HERC4: variants seen among roughly 807,000 people sequenced by gnomAD.
HERC4 encodes HECT and RLD domain containing E3 ubiquitin protein ligase 4.
In HERC4, 28 loss-of-function variants were observed where a neutral mutation model predicts 124.3. That is an observed-to-expected ratio of 0.23 (90% CI 0.17 to 0.31). HERC4 has a LOEUF of 0.31. Ranked by LOEUF, HERC4 falls within the 10% of genes least tolerant of loss-of-function variation. The pLI, the probability that HERC4 is intolerant of heterozygous loss-of-function variation, is 1.00. For synonymous variants in HERC4, 407 were observed against 421.5 expected (o/e 0.97, Z 0.42); for missense variants, 713 against 1,229.3 (o/e 0.58, Z 6.28).
At chr10:68,020,686 G>A (rs1051756351) in intron 8 of HERC4, among the ~76,000 whole-genome samples, 1 of 150,800 alleles carries the variant, frequency 6.6e-6, no homozygotes, top group South Asian at 2.1e-4. Context: ...GGAGAATGGC[G>A]TGAACCCGGG....
intron 5 of HERC4, among the ~76,000 whole-genome samples, chr10:68,034,573 C>T (rs2039361720): frequency 6.6e-6 from 1 of 152,140 alleles, no homozygotes; most frequent in Non-Finnish European, 1.5e-5. Flanking sequence ...CTGCTGATCA[C>T]ATTCAAAATT....
intron 19 of HERC4, among the ~76,000 whole-genome samples, chr10:67,944,055 C>G (rs1164839022): frequency 6.6e-6 from 1 of 152,252 alleles, no homozygotes; most frequent in Admixed American, 6.5e-5. Flanking sequence ...ACAAGCTTCG[C>G]TGGCTTCACC....
intron 3 of HERC4, among the ~76,000 whole-genome samples, chr10:68,065,221 T>C (rs1369688660): frequency 2.0e-5 from 3 of 152,324 alleles, no homozygotes; most frequent in East Asian, 1.9e-4. Flanking sequence ...GATGGCATTA[T>C]AGTTTTTACT....
intron 9 of HERC4, among the ~76,000 whole-genome samples, chr10:68,009,652 C>A (rs768928910): frequency 6.6e-6 from 1 of 152,044 alleles, no homozygotes; most frequent in Non-Finnish European, 1.5e-5. Context: ...TAAAATAAGA[C>A]AGCAACAAAG....
intron 5 of HERC4, among the ~76,000 whole-genome samples, chr10:68,035,844 C>T (rs1181101688): frequency 6.6e-6 from 1 of 152,178 alleles, no homozygotes; most frequent in Non-Finnish European, 1.5e-5. Context: ...CCTGATCTCC[C>T]AGATTAGGTC....
chr10:68,046,197 T>C (rs564284369), intron 3 of HERC4, among the ~76,000 whole-genome samples: 1 of 151,642 alleles, frequency 6.6e-6, no homozygotes, highest in East Asian at 1.9e-4. Context: ...CCCATAAATC[T>C]TAATTATGAA....
At chr10:67,999,168 C>T (rs577809293) in intron 9 of HERC4, among the ~76,000 whole-genome samples, 6 of 152,244 alleles carry the variant, frequency 3.9e-5, no homozygotes, top group Admixed American at 1.3e-4. Flanking sequence ...CTCAAGATTT[C>T]GTTTTTGTCT....
At chr10:67,991,117 C>T in intron 12 of HERC4, 23 bp downstream of exon 12, 2 of 1,482,784 alleles carry the variant, frequency 1.3e-6, no homozygotes, top group Non-Finnish European at 1.8e-6. Context: ...AAAATTTCAG[C>T]ATATTAAAGA....
intron 15 of HERC4, among the ~76,000 whole-genome samples, chr10:67,969,812 A>G (rs915674542): frequency 6.6e-6 from 1 of 152,136 alleles, no homozygotes; most frequent in African/African-American, 2.4e-5. Flanking sequence ...GAGGGGAGGG[A>G]ACTCTGACAA....
chr10:68,062,215 T>C (rs900858912), intron 3 of HERC4, among the ~76,000 whole-genome samples: 2 of 152,108 alleles, frequency 1.3e-5, no homozygotes, highest in African/African-American at 4.8e-5. Flanking sequence ...TATTATTAAG[T>C]TTACCACAAA....
At chr10:68,075,054 C>A (rs2041746611) in intron 1 of HERC4, 90 bp downstream of exon 1, 1 of 152,910 alleles carries the variant, frequency 6.5e-6, no homozygotes, top group Admixed American at 6.5e-5. Context: ...GGACCCTCCT[C>A]TGTCAGCCAG....
intron 3 of HERC4, among the ~76,000 whole-genome samples, chr10:68,053,474 TTTAA>T (rs2040413043): frequency 6.6e-6 from 1 of 152,038 alleles, no homozygotes. Flanking sequence ...CCATTAATTT[TTTAA>T]TTATTTGTAG....
chr10:67,929,263 C>T (rs1157736192), intron 23 of HERC4, among the ~76,000 whole-genome samples: 2 of 152,124 alleles, frequency 1.3e-5, no homozygotes, highest in East Asian at 3.9e-4. Context: ...AAGTTCTAAG[C>T]ACATGTGCAG....
chr10:67,946,213 A>G (rs1312844538), intron 19 of HERC4, among the ~76,000 whole-genome samples: 3 of 151,834 alleles, frequency 2.0e-5, no homozygotes, highest in African/African-American at 7.3e-5. Context: ...ACACCACTGC[A>G]TTCTAGCCTG....
At chr10:67,977,896 G>C (rs2035690095) in intron 15 of HERC4, among the ~76,000 whole-genome samples, 1 of 152,112 alleles carries the variant, frequency 6.6e-6, no homozygotes. Context: ...TGGGAGGACT[G>C]CTTGAGCCTG....
chr10:67,931,775 T>C (rs1161392699), intron 23 of HERC4, among the ~76,000 whole-genome samples: 1 of 151,982 alleles, frequency 6.6e-6, no homozygotes, highest in African/African-American at 2.4e-5. Flanking sequence ...TTGTTTTCTT[T>C]TGAGACAGAC....
At chr10:68,071,560 C>T (rs953184646) in intron 3 of HERC4, among the ~76,000 whole-genome samples, 1 of 152,118 alleles carries the variant, frequency 6.6e-6, no homozygotes, top group African/African-American at 2.4e-5. Context: ...GCATTCCAAG[C>T]TAAGCAAAAA....
At chr10:67,960,874 G>T in intron 16 of HERC4, 1 of 303,714 alleles carries the variant, frequency 3.3e-6, no homozygotes, top group Non-Finnish European at 6.3e-6. Context: ...AGCATGGAGA[G>T]GATAAATAGA....
At chr10:68,013,193 A>G (rs1012726703) in intron 9 of HERC4, among the ~76,000 whole-genome samples, 6 of 152,228 alleles carry the variant, frequency 3.9e-5, no homozygotes, top group African/African-American at 1.4e-4. Context: ...TAACATATAC[A>G]CAGTCTTTTA....
Sources: gnomAD v4.1 joint callset for allele counts (sites outside exome capture counted in the v4.1 genomes callset) on GRCh38, gnomAD v4.1.1 for gene constraint, MANE v1.5 for transcripts, NCBI Gene and HGNC (gene_info 2026-07-23, HGNC 2026-07-21) for gene names.